GASK1B: variants seen among roughly 807,000 people sequenced by gnomAD.
GASK1B encodes golgi associated kinase 1B.
GASK1B carries 34 observed loss-of-function variants against 42.8 expected under a neutral mutation model. The ratio of observed to expected loss-of-function variants is 0.79; its 90% confidence interval spans 0.60 to 1.06. The LOEUF (loss-of-function observed/expected upper bound fraction) is 1.06, where lower values mean the gene tolerates loss of function less well. Among genes scored for constraint, GASK1B ranks in the 50% least tolerant of loss-of-function variants. The pLI is 0.00. For missense variants in GASK1B, 686 were observed against 661.0 expected, an observed-to-expected ratio of 1.04 and a Z score of -0.42; for synonymous variants, 262 against 259.1, an observed-to-expected ratio of 1.01 and a Z score of -0.11.
chr4:158,140,386 G>A (rs1397793594), intron 3 of GASK1B, among the ~76,000 whole-genome samples: 1 of 152,142 alleles, frequency 6.6e-6, no homozygotes. Flanking sequence ...CTTTTGCACT[G>A]GTTGAACCAG....
At chr4:158,168,363 C>A (rs1732310681) in intron 2 of GASK1B, 1 of 152,066 alleles carries the variant, frequency 6.6e-6, no homozygotes, top group Non-Finnish European at 1.5e-5. Context: ...ATTGGGATTA[C>A]AAAAGTTTAA....
chr4:158,131,181 C>T (rs1420641140), intron 3 of GASK1B, among the ~76,000 whole-genome samples, 169 bp from the exon 4 acceptor site: 4 of 152,198 alleles, frequency 2.6e-5, no homozygotes, highest in Non-Finnish European at 4.4e-5. Flanking sequence ...GGTTCATATC[C>T]TTCTGACTCA....
intron 3 of GASK1B, among the ~76,000 whole-genome samples, chr4:158,143,428 G>A (rs1731210018): frequency 6.6e-6 from 1 of 152,148 alleles, no homozygotes; most frequent in African/African-American, 2.4e-5. Flanking sequence ...AGGGAAATAG[G>A]AAAGATAAAT....
At position 158,165,286 on chromosome 4, in the gene GASK1B, A is replaced by T. The variant is rs903564175; in HGVS notation, c.910+5180T>A. ...CTTTTTTTATTTTCTTGATTTTTACATGGACATAGTCTGCTTTGTCTAATG... is the reference window on the plus strand; with the variant it reads ...CTTTTTTTATTTTCTTGATTTTTACTTGGACATAGTCTGCTTTGTCTAATG... On this transcript the variant is annotated intron_variant, in intron 2 of 4. Coordinates refer to ENST00000585682, the MANE Select transcript of GASK1B (RefSeq NM_001128424.2). 3.9e-5 allele frequency among the ~76,000 whole-genome samples: 6 copies of T among 152,202 alleles called. No individual in the cohort carries two copies. The South Asian group carries it at 1.2e-3, about 32-fold the overall frequency.
intron 3 of GASK1B, among the ~76,000 whole-genome samples, chr4:158,146,103 T>G (rs1267509811): frequency 1.3e-5 from 2 of 151,990 alleles, no homozygotes; most frequent in East Asian, 1.9e-4. Context: ...TTCAACATTG[T>G]TAATCTGATA....
intron 3 of GASK1B, among the ~76,000 whole-genome samples, chr4:158,151,598 C>T (rs1177394115): frequency 1.3e-5 from 2 of 152,156 alleles, no homozygotes; most frequent in Non-Finnish European, 2.9e-5. Context: ...CTGAATTGAC[C>T]TCTAAGCCTG....
chr4:158,151,900 T>C (rs964570697), intron 3 of GASK1B, among the ~76,000 whole-genome samples: 10 of 152,152 alleles, frequency 6.6e-5, no homozygotes, highest in African/African-American at 2.4e-4. Context: ...AGATTAACAT[T>C]TGAGTCAGTG....
At chr4:158,142,976 T>A (rs1010413641) in intron 3 of GASK1B, among the ~76,000 whole-genome samples, 3 of 152,190 alleles carry the variant, frequency 2.0e-5, no homozygotes, top group African/African-American at 7.2e-5. Flanking sequence ...TGGGCATTAT[T>A]TAAATCTTGA....
At chr4:158,145,200 C>T (rs2110965431) in intron 3 of GASK1B, among the ~76,000 whole-genome samples, 1 of 152,250 alleles carries the variant, frequency 6.6e-6, no homozygotes, top group Admixed American at 6.5e-5. Flanking sequence ...TTACTTTTAT[C>T]ACACCATTAA....
intron 3 of GASK1B, among the ~76,000 whole-genome samples, chr4:158,151,577 C>T (rs751161782): frequency 1.3e-5 from 2 of 152,126 alleles, no homozygotes; most frequent in Non-Finnish European, 2.9e-5. Context: ...AAATTCTAAG[C>T]CCCCAACCAA....
At chr4:158,147,863 A>G (rs2110972060) in intron 3 of GASK1B, among the ~76,000 whole-genome samples, 1 of 152,308 alleles carries the variant, frequency 6.6e-6, no homozygotes, top group Admixed American at 6.5e-5. Flanking sequence ...AGAATGCAAT[A>G]AAAAAGCACA....
intron 3 of GASK1B, among the ~76,000 whole-genome samples, chr4:158,153,726 G>A (rs1413474543): frequency 2.0e-5 from 3 of 152,048 alleles, no homozygotes; most frequent in Non-Finnish European, 4.4e-5. Context: ...ACTGATCTTC[G>A]ACAAAGCAAA....
chr4:158,155,528 A>G, intron 3 of GASK1B, 83 bp downstream of exon 3: 1 of 1,175,184 alleles, frequency 8.5e-7, no homozygotes, highest in Middle Eastern at 2.1e-4. Context: ...TAAAAACTCC[A>G]GGTGCTGAAC....
At chr4:158,141,398 C>T (rs1284996218) in intron 3 of GASK1B, among the ~76,000 whole-genome samples, 2 of 151,092 alleles carry the variant, frequency 1.3e-5, no homozygotes, top group Non-Finnish European at 1.5e-5. Context: ...TTATTGAGGA[C>T]AGGTATCTCA....
At chr4:158,145,770 T>C (rs994320949) in intron 3 of GASK1B, among the ~76,000 whole-genome samples, 1 of 152,226 alleles carries the variant, frequency 6.6e-6, no homozygotes, top group Non-Finnish European at 1.5e-5. Context: ...GCACTAAACC[T>C]ACTCAGTGTC....
At chr4:158,162,398 C>A (rs1342191064) in intron 2 of GASK1B, among the ~76,000 whole-genome samples, 2 of 152,176 alleles carry the variant, frequency 1.3e-5, no homozygotes, top group Non-Finnish European at 2.9e-5. Flanking sequence ...AAAGCAAGCA[C>A]TCAAAAATTC....
chr4:158,163,599 C>G (rs116247919), intron 2 of GASK1B, among the ~76,000 whole-genome samples: 3,064 of 151,642 alleles, frequency 0.02, 103 homozygotes, highest in African/African-American at 0.069. Context: ...TGTTAGTATG[C>G]GTTAAGCAAT....
chr4:158,149,540 A>G (rs1731462054), intron 3 of GASK1B, among the ~76,000 whole-genome samples: 1 of 151,892 alleles, frequency 6.6e-6, no homozygotes, highest in South Asian at 2.1e-4. Context: ...TCAAACCTCA[A>G]GGTCCATTCT....
chr4:158,158,279 T>C (rs997391646), intron 2 of GASK1B, among the ~76,000 whole-genome samples: 1 of 152,130 alleles, frequency 6.6e-6, no homozygotes, highest in Non-Finnish European at 1.5e-5. Context: ...AAGGTTTTGC[T>C]CTGATGATTA....
Sources: allele counts gnomAD v4.1 joint callset (sites outside exome capture counted in the v4.1 genomes callset), GRCh38; gene constraint gnomAD v4.1.1; transcripts MANE v1.5; gene names NCBI Gene and HGNC (gene_info 2026-07-23, HGNC 2026-07-21).